Variants in SERGEF observed in about 807,000 individuals in gnomAD.
The protein encoded by SERGEF is secretion-regulating guanine nucleotide exchange factor.
SERGEF carries 51 observed loss-of-function variants against 50.0 expected under a neutral mutation model. The ratio of observed to expected loss-of-function variants is 1.02; its 90% CI spans 0.81 to 1.29. The LOEUF is 1.29. Ranked by LOEUF, SERGEF falls within the 50% of genes most tolerant of loss-of-function variation. The pLI is 0.00. For missense variants in SERGEF, 521 were observed against 557.0 expected (o/e 0.94, Z 0.65); for synonymous variants, 205 against 212.4 (o/e 0.97, Z 0.30).
At chr11:17,946,814 G>A (rs1344793211) in intron 9 of SERGEF, among the ~76,000 whole-genome samples, 2 of 152,200 alleles carry the variant, frequency 1.3e-5, no homozygotes, top group African/African-American at 4.8e-5. Flanking sequence ...TCAGCATTCT[G>A]TTTTTGTTTC....
chr11:17,899,133 G>T (rs1260037048), intron 9 of SERGEF, among the ~76,000 whole-genome samples: 2 of 152,124 alleles, frequency 1.3e-5, no homozygotes, highest in South Asian at 4.1e-4. Flanking sequence ...TGTACAGCCT[G>T]CAGAACCATA....
chr11:17,962,643 G>C (rs956970922), intron 8 of SERGEF, among the ~76,000 whole-genome samples: 15 of 152,172 alleles, frequency 9.9e-5, no homozygotes, highest in Admixed American at 9.2e-4. Context: ...GTAAGAATTA[G>C]CACAGAGAAA....
intron 9 of SERGEF, among the ~76,000 whole-genome samples, chr11:17,933,875 G>A (rs1290560991): frequency 6.6e-6 from 1 of 152,100 alleles, no homozygotes; most frequent in Non-Finnish European, 1.5e-5. Context: ...AAATGTTGCT[G>A]CAGTTACCAT....
chr11:17,790,546 G>A (rs1849468053), intron 10 of SERGEF, among the ~76,000 whole-genome samples: 1 of 152,004 alleles, frequency 6.6e-6, no homozygotes. Flanking sequence ...TATAACAATG[G>A]AAAATATATA....
At chr11:17,834,038 G>A (rs1314926166) in intron 10 of SERGEF, among the ~76,000 whole-genome samples, 1 of 152,176 alleles carries the variant, frequency 6.6e-6, no homozygotes, top group African/African-American at 2.4e-5. Context: ...GGACACATGA[G>A]ATTTGGGAGG....
At chr11:17,841,748 G>C in intron 10 of SERGEF, among the ~76,000 whole-genome samples, 1 of 152,172 alleles carries the variant, frequency 6.6e-6, no homozygotes, top group Admixed American at 6.5e-5. Context: ...CACATGGCCT[G>C]CAAGAACCTA....
At chr11:17,905,286 T>A (rs922718438) in intron 9 of SERGEF, among the ~76,000 whole-genome samples, 5 of 152,246 alleles carry the variant, frequency 3.3e-5, no homozygotes, top group African/African-American at 1.2e-4. Context: ...CAAATTTCAA[T>A]AAATTGAAGT....
At chr11:17,945,120 T>G in intron 9 of SERGEF, among the ~76,000 whole-genome samples, 1 of 152,272 alleles carries the variant, frequency 6.6e-6, no homozygotes, top group East Asian at 1.9e-4. Flanking sequence ...TTTTCTCAGC[T>G]GCTAGGAGTA....
At chr11:17,964,472 T>C (rs553538972) in intron 8 of SERGEF, among the ~76,000 whole-genome samples, 5 of 152,272 alleles carry the variant, frequency 3.3e-5, no homozygotes, top group Middle Eastern at 3.4e-3. Context: ...CTATAGGTGA[T>C]AGAAAGATAG....
chr11:17,849,910 C>A (rs1470009231), intron 10 of SERGEF, among the ~76,000 whole-genome samples: 1 of 152,130 alleles, frequency 6.6e-6, no homozygotes, highest in Non-Finnish European at 1.5e-5. Context: ...TCAGTTCTAT[C>A]TCTGTTACTT....
rs148673840 is a variant in SERGEF at position 17,983,178 on chromosome 11, C to T, written c.844+5419G>A. 1.6e-4 allele frequency among the ~76,000 whole-genome samples: 24 copies of T among 152,314 alleles called. No individual in the cohort carries two copies. The East Asian group carries it at 4.4e-3, about 28-fold the overall frequency. ...TACTGCATGATTCAGGGAAAGCTTC[C>T]AGCACCCCAAAAGCAACTGGATTCT... On this transcript the variant is annotated intron_variant, in intron 8 of 10. Coordinates refer to ENST00000265965, the MANE Select transcript of SERGEF (RefSeq NM_012139.4).
Position 17,991,245 on chromosome 11 carries a change from C to A in SERGEF, c.685+1686G>T, listed in dbSNP as rs754563793. ...AATTTAATTTCTTATATTTAAAATACATCTTAATTAAAATATTCAACATTT... is the reference window on the plus strand; with the variant it reads ...AATTTAATTTCTTATATTTAAAATAAATCTTAATTAAAATATTCAACATTT... On this transcript the variant is annotated intron_variant, in intron 7 of 10. Coordinates refer to ENST00000265965, the MANE Select transcript of SERGEF (RefSeq NM_012139.4). This position sits in a 1 kb window ranked among gnomAD's most constrained non-coding sequence, Gnocchi z 4.9. 2.0e-5 allele frequency among the ~76,000 whole-genome samples: 3 copies of A among 152,000 alleles called. No homozygotes were observed. Among genetic ancestry groups the A allele is most frequent in the Non-Finnish European group, 4.4e-5 (3 of 68,004 alleles).
At chr11:17,845,474 AT>A (rs1348040295) in intron 10 of SERGEF, among the ~76,000 whole-genome samples, 1 of 152,162 alleles carries the variant, frequency 6.6e-6, no homozygotes, top group Non-Finnish European at 1.5e-5. Flanking sequence ...CTCAGTAGGA[AT>A]GGGGTGTCTC....
chr11:17,877,930 C>T, intron 10 of SERGEF: 1 of 334,396 alleles, frequency 3.0e-6, no homozygotes, highest in Non-Finnish European at 5.4e-6. Context: ...CACATGGTGC[C>T]CCTCAGCCTG....
At position 17,995,882 on chromosome 11, in the gene SERGEF, G is replaced by T; in HGVS notation, c.536C>A (p.Thr179Asn). 6.2e-7 allele frequency: 1 copy of T among 1,613,850 alleles called. No individual in the cohort carries two copies. Among genetic ancestry groups the T allele is most frequent in the Non-Finnish European group, 8.5e-7 (1 of 1,179,834 alleles). Residue 179 changes from threonine (T) to asparagine (N), a missense_variant, in exon 6 of 11, where the codon ACT becomes AAT. Thr to Asn is a moderately conservative substitution (Grantham distance 65). Transcript: ENST00000265965. ...CCGTCGTCCACATGATGCCAAACCA[G>T]TCCCCCACTGGAACACGATGCCACT... ...TASGIVFQWG[T>N]GLASCGRRLC...
At chr11:17,801,908 A>G (rs888693612) in intron 10 of SERGEF, among the ~76,000 whole-genome samples, 1 of 152,164 alleles carries the variant, frequency 6.6e-6, no homozygotes. Context: ...GAAGTGCTTG[A>G]CTGGGATGCA....
chr11:18,010,807 T>C (rs890180745), intron 1 of SERGEF, among the ~76,000 whole-genome samples: 1 of 152,214 alleles, frequency 6.6e-6, no homozygotes, highest in Non-Finnish European at 1.5e-5. Flanking sequence ...TATATTTATA[T>C]GGCGAATGAA....
intron 9 of SERGEF, among the ~76,000 whole-genome samples, chr11:17,881,094 T>C (rs1168720446): frequency 1.3e-5 from 2 of 152,230 alleles, no homozygotes; most frequent in African/African-American, 4.8e-5. Flanking sequence ...CCTTCACAGC[T>C]AGACAAGTGG....
chr11:17,864,496 A>G (rs1850986228), intron 10 of SERGEF, among the ~76,000 whole-genome samples: 1 of 152,230 alleles, frequency 6.6e-6, no homozygotes. Context: ...TTGAGCAATA[A>G]GCAAGATTCT....
Sources: allele counts gnomAD v4.1 joint callset (sites outside exome capture counted in the v4.1 genomes callset), GRCh38; gene constraint gnomAD v4.1.1; non-coding constraint Gnocchi (gnomAD v3.1); transcripts MANE v1.5; gene names NCBI Gene and HGNC (gene_info 2026-07-23, HGNC 2026-07-21).